The following RUBCN variants were observed in gnomAD, a reference collection of about 807,000 sequenced individuals.
The protein encoded by RUBCN is rubicon autophagy regulator.
In RUBCN, 74 loss-of-function variants were observed where a neutral mutation model predicts 113.2. The observed-to-expected ratio is 0.65, with a 90% CI of 0.54 to 0.79. RUBCN has a LOEUF of 0.79. Among genes scored for constraint, RUBCN ranks in the 30% least tolerant of loss-of-function variants. RUBCN has a pLI of 0.00. For synonymous variants in RUBCN, 480 were observed against 490.0 expected (o/e 0.98, Z 0.27); for missense variants, 1,109 against 1,251.7 (o/e 0.89, Z 1.72).
At position 197,718,027 on chromosome 3, in the gene RUBCN, G is replaced by A. The variant is rs1725737855; in HGVS notation, c.169C>T (p.Leu57Phe). 1 of 1,614,186 alleles carries A rather than the reference G, an allele frequency of 6.2e-7. No individual in the cohort carries two copies. The highest frequency in any genetic ancestry group is 1.1e-5 in the South Asian group (1 of 91,084). ...AGGATGCTCTGCATGTCCCTGCAAAGCCGCTCCAAGCCACCATACTTAGAC... is the reference window on the plus strand; with the variant it reads ...AGGATGCTCTGCATGTCCCTGCAAAACCGCTCCAAGCCACCATACTTAGAC... ...VWSKYGGLER[L>F]CRDMQSILYH... is the part of the protein sequence containing the mutation. The change falls in exon 2 of 20, where the codon CTT (leucine) becomes TTT (phenylalanine). Residue 57 changes from leucine (L) to phenylalanine (F), a missense_variant. By Grantham distance (22) the Leu-to-Phe change is conservative. Around this residue, in one of 3 missense-constraint regions of RUBCN, gnomAD observed 736 missense variants for 779.6 expected, o/e 0.94. Coordinates refer to ENST00000296343, the MANE Select transcript of RUBCN (RefSeq NM_014687.4).
chr3:197,703,432 A>AAG lies in RUBCN; in HGVS notation c.570+115_570+116insCT, dbSNP rs1553896558. 7.0e-6 allele frequency: 3 copies of AAG among 427,910 alleles called. No homozygotes were observed. In the African/African-American group the frequency reaches 7.5e-5, roughly 11 times the overall value. The allele number at this position is 427,910 out of a possible 1,614,324, so 26.5% of individuals were successfully genotyped here. ...AAAAAAAAAAAAAAAAAAAAAAAAA[A>AAG]TGCAAGCCTTTCAGCTCACAAAAAT... On this transcript the variant is annotated intron_variant, in intron 5 of 19. Transcript: ENST00000296343.
At chr3:197,693,844 A>G in intron 10 of RUBCN, 28 bp from the exon 11 acceptor site, 2 of 1,499,056 alleles carry the variant, frequency 1.3e-6, no homozygotes, top group Non-Finnish European at 1.9e-6. Flanking sequence ...AAAAAGGAAT[A>G]AACAGGGCAG....
intron 11 of RUBCN, among the ~76,000 whole-genome samples, chr3:197,689,086 C>CTTT (rs1318104694): frequency 6.6e-6 from 1 of 150,944 alleles, no homozygotes; most frequent in Admixed American, 6.6e-5. Context: ...AGTGCAGTGG[C>CTTT]ATGATCATGG....
At chr3:197,696,579 C>T (rs960608761) in intron 8 of RUBCN, among the ~76,000 whole-genome samples, 13 of 150,738 alleles carry the variant, frequency 8.6e-5, no homozygotes, top group African/African-American at 3.2e-4. Context: ...GAAAAGGACA[C>T]AAATGGCTTC....
chr3:197,717,349 C>G (rs1221144843), intron 2 of RUBCN, among the ~76,000 whole-genome samples: 3 of 150,322 alleles, frequency 2.0e-5, no homozygotes, highest in African/African-American at 7.4e-5. Flanking sequence ...GAGGCTGAGC[C>G]AGGAGAATGC....
rs1189637682 is a variant in RUBCN, at chr3:197,721,440, T to C, written c.66-3310A>G. Among the ~76,000 whole-genome samples the C allele has an allele frequency of 2.0e-5, 3 of 152,238 alleles. No individual in the cohort carries two copies. In the East Asian group the frequency reaches 5.8e-4, roughly 29 times the overall value. On this transcript the variant is annotated intron_variant, in intron 1 of 19. Transcript: ENST00000296343. Reference sequence around the variant, plus strand: ...CTAGTGATTCTTCATAGTTCTGTGCTGTCAGTTGCAATGTCTCCTTTTTCT... The same window carrying C: ...CTAGTGATTCTTCATAGTTCTGTGCCGTCAGTTGCAATGTCTCCTTTTTCT...
rs1719873700 is a variant in RUBCN at position 197,672,360 on chromosome 3, G to A, written c.*2658C>T. 6.6e-6 allele frequency: 1 copy of A among 152,200 alleles called. No individual in the cohort carries two copies. Among genetic ancestry groups the A allele is most frequent in the East Asian group, 1.9e-4 (1 of 5,198 alleles). 9.4% of individuals were successfully genotyped at this position (152,200 alleles called of 1,614,324 possible). ...TTCAAAGCTTCTCCCCGCAACAGCA[G>A]GGGATTTTCAGATAGTGGTAACTTG... On this transcript the variant is annotated 3_prime_UTR_variant, in exon 20 of 20. Coordinates refer to ENST00000296343, the MANE Select transcript of RUBCN (RefSeq NM_014687.4).
At chr3:197,703,735 G>A in intron 4 of RUBCN, 81 bp from the exon 5 acceptor site, 1 of 859,134 alleles carries the variant, frequency 1.2e-6, no homozygotes, top group Non-Finnish European at 2.0e-6. Flanking sequence ...AAAGGGAGAG[G>A]TAAGGATGAA....
Position 197,675,568 on chromosome 3 carries a change from G to C in RUBCN, c.2647-53C>G. On this transcript the variant is annotated intron_variant, in intron 18 of 19. Coordinates refer to ENST00000296343, the MANE Select transcript of RUBCN (RefSeq NM_014687.4). This position sits in a 1 kb window ranked among gnomAD's most constrained non-coding sequence, Gnocchi z 4.4. ...ATGAGGAGCGGCACATCAGGAACTG[G>C]CACGGGAGGGTGAACACCGAGGAGG... The C allele has an allele frequency of 7.4e-7, 1 of 1,351,116 alleles. No individual in the cohort carries two copies. The highest frequency in any genetic ancestry group is 1.1e-6 in the Non-Finnish European group (1 of 943,998). 83.7% of individuals were successfully genotyped at this position (1,351,116 alleles called of 1,614,324 possible).
At position 197,670,120 on chromosome 3, in the gene RUBCN, C is replaced by T. The variant is rs1168783242; in HGVS notation, c.*4898G>A. Among the ~76,000 whole-genome samples the T allele has an allele frequency of 5.9e-5, 9 of 152,206 alleles. No individual in the cohort carries two copies. Among genetic ancestry groups the T allele is most frequent in the Non-Finnish European group, 1.0e-4 (7 of 68,034 alleles). ...GCCAGGATGGTCCCAATCTCTTGAC[C>T]TCGTGATCCGCCCGCCTCGGCCTCC... On this transcript the variant is annotated 3_prime_UTR_variant, in exon 20 of 20. Transcript: ENST00000296343.
At chr3:197,691,985 T>C (rs982106722) in intron 11 of RUBCN, among the ~76,000 whole-genome samples, 2 of 152,072 alleles carry the variant, frequency 1.3e-5, no homozygotes, top group Admixed American at 6.5e-5. Context: ...CTTTCAATCA[T>C]ACCTGAGTTT....
chr3:197,730,748 T>A (rs1727330203), intron 1 of RUBCN, among the ~76,000 whole-genome samples: 1 of 151,728 alleles, frequency 6.6e-6, no homozygotes, highest in Non-Finnish European at 1.5e-5. Context: ...GAGAAACATA[T>A]GGCTGCTTGA....
intron 1 of RUBCN, among the ~76,000 whole-genome samples, chr3:197,719,210 C>T (rs1194943726): frequency 6.6e-5 from 10 of 152,134 alleles, no homozygotes; most frequent in Admixed American, 6.6e-4. Context: ...GACGCAGTGG[C>T]TCACACCTGT....
chr3:197,729,316 G>A (rs544612844), intron 1 of RUBCN, among the ~76,000 whole-genome samples: 6 of 151,854 alleles, frequency 4.0e-5, no homozygotes, highest in East Asian at 2.0e-4. Flanking sequence ...GCAGCGGCGC[G>A]ATCTCGGCTC....
chr3:197,747,932 T>G (rs1373989471), intron 1 of RUBCN, among the ~76,000 whole-genome samples: 2 of 150,758 alleles, frequency 1.3e-5, no homozygotes, highest in Non-Finnish European at 3.0e-5. Flanking sequence ...TTCTGTAGTT[T>G]TTTTTTTTTT....
At chr3:197,701,650 C>A in intron 6 of RUBCN, 58 bp downstream of exon 6, 6 of 1,552,384 alleles carry the variant, frequency 3.9e-6, no homozygotes, top group Non-Finnish European at 5.3e-6. Flanking sequence ...ACCACAAAGT[C>A]TTCTTACTTT....
chr3:197,713,918 CA>C (rs972560079), intron 2 of RUBCN, among the ~76,000 whole-genome samples: 1 of 150,570 alleles, frequency 6.6e-6, no homozygotes. Context: ...ACTAAAAATA[CA>C]AAAAAAAATT....
At chr3:197,685,469 A>G (rs993321409) in intron 11 of RUBCN, among the ~76,000 whole-genome samples, 4 of 152,164 alleles carry the variant, frequency 2.6e-5, no homozygotes, top group African/African-American at 9.7e-5. Flanking sequence ...TTGTCTGGAC[A>G]ACTAGATTAT....
At chr3:197,707,253 A>T (rs1351033721) in intron 2 of RUBCN, among the ~76,000 whole-genome samples, 1 of 151,240 alleles carries the variant, frequency 6.6e-6, no homozygotes, top group African/African-American at 2.4e-5. Context: ...AATGGCATGA[A>T]CCCGGGAGGC....
Sources: gnomAD v4.1 joint callset for allele counts (sites outside exome capture counted in the v4.1 genomes callset) on GRCh38, gnomAD v4.1.1 for gene constraint, gnomAD v4.1.1 regional missense constraint, Gnocchi (gnomAD v3.1) non-coding constraint, MANE v1.5 for transcripts, NCBI Gene and HGNC (gene_info 2026-07-23, HGNC 2026-07-21) for gene names.